The following IGF2R variants were observed in gnomAD, a reference collection of about 807,000 sequenced individuals.
IGF2R encodes cation-independent mannose-6-phosphate receptor.
In IGF2R, 91 loss-of-function variants were observed where a neutral mutation model predicts 270.6. That is an observed-to-expected ratio of 0.34 (90% CI 0.28 to 0.40). The LOEUF (loss-of-function observed/expected upper bound fraction) is 0.40. Among genes scored for constraint, IGF2R ranks in the 10% least tolerant of loss-of-function variants. The pLI, the probability that IGF2R is intolerant of heterozygous loss-of-function variation, is 1.00. For missense variants in IGF2R, 2,805 were observed against 3,188.3 expected (o/e 0.88, Z 2.90); for synonymous variants, 1,316 against 1,258.9 (o/e 1.05, Z -0.96).
At chr6:160,052,805 C>G (rs980373162) in intron 19 of IGF2R, among the ~76,000 whole-genome samples, 31 of 152,136 alleles carry the variant, frequency 2.0e-4, no homozygotes, top group African/African-American at 7.5e-4. Flanking sequence ...TGATCTTTGA[C>G]AAACCTGACA....
intron 31 of IGF2R, among the ~76,000 whole-genome samples, chr6:160,070,754 G>A (rs1778701153): frequency 2.0e-5 from 3 of 152,210 alleles, no homozygotes; most frequent in Admixed American, 6.5e-5. Flanking sequence ...AGACCAGCTC[G>A]CTGGGTGTCA....
intron 29 of IGF2R, among the ~76,000 whole-genome samples, chr6:160,066,396 G>A (rs747109291): frequency 5.3e-5 from 8 of 152,172 alleles, no homozygotes; most frequent in Admixed American, 2.6e-4. Flanking sequence ...GTCATCCTCC[G>A]TCTGCCTTGG....
At chr6:160,026,507 C>T (rs572796965) in intron 5 of IGF2R, among the ~76,000 whole-genome samples, 224 of 152,284 alleles carry the variant, frequency 1.5e-3, no homozygotes, top group African/African-American at 5.2e-3. Flanking sequence ...TTTCCTGGAA[C>T]TTTAGTTAGA....
intron 39 of IGF2R, among the ~76,000 whole-genome samples, chr6:160,082,254 A>G (rs1038528040): frequency 6.6e-6 from 1 of 151,576 alleles, no homozygotes; most frequent in Non-Finnish European, 1.5e-5. Context: ...GTTATTCCCT[A>G]TTTTCTGAAT....
chr6:159,991,670 A>G (rs1041803449), intron 2 of IGF2R, among the ~76,000 whole-genome samples: 2 of 152,064 alleles, frequency 1.3e-5, no homozygotes, highest in African/African-American at 4.8e-5. Flanking sequence ...CCCCCAGCCC[A>G]CATTTCCTTT....
chr6:160,046,911 G>GT (rs959904588), intron 15 of IGF2R, among the ~76,000 whole-genome samples: 7 of 152,330 alleles, frequency 4.6e-5, no homozygotes, highest in Non-Finnish European at 8.8e-5. Context: ...ATCTCTGTGC[G>GT]TATTTCTGCA....
rs57759831 is a variant in IGF2R at position 160,065,782 on chromosome 6, ATG to A, written c.4115+913_4115+914del. On this transcript the variant is annotated intron_variant, in intron 29 of 47. Transcript: ENST00000356956. ...AAGCATTTTTCCTAGAGATATGTGT[ATG>A]TGTGTGTGTGTGTGTGTGTGTGTGT... is the stretch of plus-strand genomic sequence containing the variant. 3.8e-3 allele frequency among the ~76,000 whole-genome samples: 353 copies of A among 93,168 alleles called. 2 individuals are homozygous for A. Among genetic ancestry groups the A allele is most frequent in the East Asian group, 0.01 (36 of 3,520 alleles). The allele number at this position is 93,168 out of a possible 152,430, so 61.1% of individuals were successfully genotyped here.
chr6:160,100,986 T>C (rs1277952628), intron 45 of IGF2R, among the ~76,000 whole-genome samples: 1 of 151,740 alleles, frequency 6.6e-6, no homozygotes, highest in Non-Finnish European at 1.5e-5. Flanking sequence ...GAGATGGGGT[T>C]TCACCATGTT....
intron 10 of IGF2R, among the ~76,000 whole-genome samples, chr6:160,035,878 C>T (rs2115236579): frequency 6.6e-6 from 1 of 152,242 alleles, no homozygotes; most frequent in South Asian, 2.1e-4. Context: ...GGGGTCTGGG[C>T]TGGGTGCAGG....
intron 2 of IGF2R, among the ~76,000 whole-genome samples, chr6:159,994,597 T>C (rs1212273558): frequency 6.6e-6 from 1 of 152,198 alleles, no homozygotes; most frequent in Non-Finnish European, 1.5e-5. Flanking sequence ...AACTTCCCTC[T>C]TACCGCTGCT....
At chr6:160,101,761 G>T (rs182379115) in intron 45 of IGF2R, among the ~76,000 whole-genome samples, 1 of 152,360 alleles carries the variant, frequency 6.6e-6, no homozygotes, top group East Asian at 1.9e-4. Flanking sequence ...CTCCCTAAGC[G>T]CAAAGGGAAG....
At chr6:159,999,693 G>A (rs1784100450) in intron 2 of IGF2R, among the ~76,000 whole-genome samples, 1 of 152,218 alleles carries the variant, frequency 6.6e-6, no homozygotes, top group Non-Finnish European at 1.5e-5. Context: ...ATCCAAATAT[G>A]TATGGGAACT....
intron 4 of IGF2R, among the ~76,000 whole-genome samples, chr6:160,022,859 A>G (rs1777469435): frequency 6.6e-6 from 1 of 152,204 alleles, no homozygotes; most frequent in South Asian, 2.1e-4. Flanking sequence ...GAATGAAGTG[A>G]GGGAAAGAGC....
chr6:159,985,932 A>G (rs1212791385), intron 1 of IGF2R, among the ~76,000 whole-genome samples: 1 of 152,238 alleles, frequency 6.6e-6, no homozygotes, highest in African/African-American at 2.4e-5. Context: ...TTGAAGAACC[A>G]GCGTTCTTGG....
rs182078531 is a variant in IGF2R at position 160,025,253 on chromosome 6, C to T, written c.646+549C>T. Among the ~76,000 whole-genome samples, 3 of 152,282 alleles carry T rather than the reference C, an allele frequency of 2.0e-5. No individual in the cohort carries two copies. The South Asian group carries it at 6.2e-4, about 32-fold the overall frequency. Reference sequence around the variant, plus strand: ...AAGGGCCATGAAAAGTTTTACTAAGCCTTTGACTAGCCTTCAGCTGGTTTT... The same window carrying T: ...AAGGGCCATGAAAAGTTTTACTAAGTCTTTGACTAGCCTTCAGCTGGTTTT... On this transcript the variant is annotated intron_variant, in intron 5 of 47. Coordinates refer to ENST00000356956, the MANE Select transcript of IGF2R (RefSeq NM_000876.4).
Position 160,102,020 on chromosome 6 carries a change from G to A in IGF2R, c.6843-499G>A, listed in dbSNP as rs1278039836. 2.6e-5 allele frequency among the ~76,000 whole-genome samples: 4 copies of A among 152,106 alleles called. No homozygotes were observed. The South Asian group carries it at 6.2e-4, about 24-fold the overall frequency. On this transcript the variant is annotated intron_variant, in intron 45 of 47. Transcript: ENST00000356956. This position sits in a 1 kb window ranked among gnomAD's most constrained non-coding sequence, Gnocchi z 4.5. ...CTGGGCCCCACCCTGGTCTGTGGCC[G>A]CCCCTGGGCCCCGTCCTGGCCTGTT...
In IGF2R at chr6:160,064,538, A is replaced by G. The variant is rs1778519709; in HGVS notation, c.4017+7A>G. ...TGACCGCGGCACCCAGCGGGTGAGC[A>G]TGTACCGACGGCCCTCAGCGGGGTC... On this transcript the variant is annotated splice_region_variant and intron_variant, in intron 28 of 47. Coordinates refer to ENST00000356956, the MANE Select transcript of IGF2R (RefSeq NM_000876.4). 3 of 1,613,894 alleles carry G rather than the reference A, an allele frequency of 1.9e-6. No individual in the cohort carries two copies. The highest frequency in any genetic ancestry group is 2.5e-6 in the Non-Finnish European group (3 of 1,179,830).
chr6:159,989,097 C>T (rs1783936434), intron 1 of IGF2R, among the ~76,000 whole-genome samples: 1 of 152,132 alleles, frequency 6.6e-6, no homozygotes, highest in African/African-American at 2.4e-5. Context: ...CCTGAGTACC[C>T]CAGCCTGCTC....
At chr6:160,031,608 C>A (rs998004307) in intron 7 of IGF2R, among the ~76,000 whole-genome samples, 1 of 152,088 alleles carries the variant, frequency 6.6e-6, no homozygotes, top group Non-Finnish European at 1.5e-5. Context: ...TCTTACGGAG[C>A]CCTGGGGTCT....
Sources: gnomAD v4.1 joint callset for allele counts (sites outside exome capture counted in the v4.1 genomes callset) on GRCh38, gnomAD v4.1.1 for gene constraint, Gnocchi (gnomAD v3.1) non-coding constraint, MANE v1.5 for transcripts, NCBI Gene and HGNC (gene_info 2026-07-23, HGNC 2026-07-21) for gene names.